The following JARID2 variants were observed in gnomAD, a reference collection of about 807,000 sequenced individuals.
JARID2 encodes the protein protein Jumonji.
In JARID2, 21 loss-of-function variants were observed where a neutral mutation model predicts 125.6. The observed-to-expected ratio is 0.17, with a 90% confidence interval of 0.12 to 0.24. The LOEUF (loss-of-function observed/expected upper bound fraction) is 0.24, where lower values mean the gene tolerates loss of function less well. Among genes scored for constraint, JARID2 ranks in the 10% least tolerant of loss-of-function variants. The pLI is 1.00. For missense variants in JARID2, 1,303 were observed against 1,639.6 expected (o/e 0.79, Z 3.55); for synonymous variants, 736 against 661.6 (o/e 1.11, Z -1.73).
In JARID2 at chr6:15,487,427, A is replaced by G; in HGVS notation, c.791A>G (p.Gln264Arg). The part of the protein sequence containing the change: ...SDHRADSRRE[Q>R]ASANHPAAAP... ...CACCGGGCTGACAGCCGCCGGGAGC[A>G]GGCTTCAGCTAACCACCCCGCAGCG... Residue 264 changes from glutamine to arginine, a missense_variant, in exon 6 of 18, where the codon CAG becomes CGG. Transcript: ENST00000341776. 6.2e-7 allele frequency: 1 copy of G among 1,614,248 alleles called. No individual in the cohort carries two copies. Among genetic ancestry groups the G allele is most frequent in the Non-Finnish European group, 8.5e-7 (1 of 1,180,042 alleles).
intron 1 of JARID2, among the ~76,000 whole-genome samples, chr6:15,319,377 A>G (rs1762278592): frequency 6.6e-6 from 1 of 152,134 alleles, no homozygotes; most frequent in African/African-American, 2.4e-5. Context: ...TCTGAGTGAC[A>G]TGGAATTTCT....
At chr6:15,285,199 C>T (rs535644849) in intron 1 of JARID2, among the ~76,000 whole-genome samples, 6 of 151,114 alleles carry the variant, frequency 4.0e-5, no homozygotes, top group Non-Finnish European at 7.4e-5. Context: ...CAACCTCCGC[C>T]TCTGGGGTTC....
At chr6:15,436,826 C>G (rs1157241161) in intron 3 of JARID2, among the ~76,000 whole-genome samples, 2 of 151,648 alleles carry the variant, frequency 1.3e-5, no homozygotes, top group East Asian at 3.9e-4. Flanking sequence ...TTTTTTTCCC[C>G]CATAATGTTT....
At chr6:15,348,151 G>T (rs1581440446) in intron 1 of JARID2, among the ~76,000 whole-genome samples, 1 of 151,754 alleles carries the variant, frequency 6.6e-6, no homozygotes, top group Non-Finnish European at 1.5e-5. Flanking sequence ...TAGTGCAGTG[G>T]TGTGATCTCG....
intron 3 of JARID2, among the ~76,000 whole-genome samples, chr6:15,424,311 A>G (rs1267555812): frequency 6.6e-6 from 1 of 151,916 alleles, no homozygotes; most frequent in Non-Finnish European, 1.5e-5. Context: ...GCTTATTTTG[A>G]TTTGGAATTG....
intron 2 of JARID2, among the ~76,000 whole-genome samples, chr6:15,389,372 TGG>T (rs1764915749): frequency 6.6e-6 from 1 of 152,156 alleles, no homozygotes; most frequent in South Asian, 2.1e-4. Flanking sequence ...TTGCCCAGGC[TGG>T]AACACTGTTA....
intron 3 of JARID2, among the ~76,000 whole-genome samples, chr6:15,448,864 G>T (rs373158943): frequency 1.2e-4 from 18 of 151,960 alleles, no homozygotes; most frequent in African/African-American, 4.4e-4. Flanking sequence ...AGAAACCTCT[G>T]CAGTTTGATG....
intron 3 of JARID2, among the ~76,000 whole-genome samples, chr6:15,440,243 T>A (rs1767389176): frequency 6.6e-6 from 1 of 152,244 alleles, no homozygotes; most frequent in South Asian, 2.1e-4. Context: ...TGCACATTCT[T>A]GACATCAGGT....
intron 1 of JARID2, among the ~76,000 whole-genome samples, chr6:15,371,621 C>G (rs1442752237): frequency 2.0e-5 from 3 of 152,152 alleles, no homozygotes; most frequent in Non-Finnish European, 2.9e-5. Flanking sequence ...TCATGCTTTT[C>G]ATGTGTTGTG....
chr6:15,425,592 A>G (rs1243704560), intron 3 of JARID2, among the ~76,000 whole-genome samples: 1 of 152,194 alleles, frequency 6.6e-6, no homozygotes, highest in African/African-American at 2.4e-5. Flanking sequence ...TTATAGAAGG[A>G]CAAGATAGGC....
intron 2 of JARID2, among the ~76,000 whole-genome samples, chr6:15,383,100 G>C (rs967452652): frequency 2.0e-5 from 3 of 152,098 alleles, no homozygotes; most frequent in African/African-American, 7.2e-5. Context: ...GCTTTTGCCA[G>C]TTTTTATAGG....
chr6:15,509,408 GCCT>G (rs776391709), intron 12 of JARID2: 1 of 969,764 alleles, frequency 1.0e-6, no homozygotes, highest in Non-Finnish European at 1.2e-6. Flanking sequence ...GTCGGCTGCA[GCCT>G]CCTCATTTTG....
chr6:15,496,965 G>A lies in JARID2; in HGVS notation c.1740G>A (p.Gln580=). 3 of 1,613,288 alleles carry A rather than the reference G, an allele frequency of 1.9e-6. No individual in the cohort carries two copies. The highest frequency in any genetic ancestry group is 2.5e-6 in the Non-Finnish European group (3 of 1,179,424). ...TCTACATCGAGTCGGTCCGCGCTCA[G>A]GTGGAGAAGTTCGGGATGTGCAGGG... The part of the protein sequence containing the change: ...PLIYIESVRA[Q]VEKFGMCRVI... Residue 580 remains glutamine (Q), a synonymous_variant, in exon 7 of 18, where the codon CAG becomes CAA. Coordinates refer to ENST00000341776, the MANE Select transcript of JARID2 (RefSeq NM_004973.4).
intron 3 of JARID2, among the ~76,000 whole-genome samples, chr6:15,433,921 G>GGT (rs146025914): frequency 0.092 from 12,119 of 131,072 alleles, 568 homozygotes; most frequent in East Asian, 0.15. Context: ...CACTCTCCAG[G>GGT]GTGTGTGTGT....
At position 15,334,298 on chromosome 6, in the gene JARID2, G is replaced by A. The variant is rs72834586; in HGVS notation, c.46-39819G>A. ...CCTTGTAATCACAGGGGTTCCTATG[G>A]AACAGTGGCTTATGTCACCAATAGG... On this transcript the variant is annotated intron_variant, in intron 1 of 17. Transcript: ENST00000341776. 8.9e-3 allele frequency among the ~76,000 whole-genome samples: 1,336 copies of A among 150,134 alleles called. 11 individuals are homozygous for A. The highest frequency in any genetic ancestry group is 0.021 in the Middle Eastern group (6 of 290).
chr6:15,421,108 C>T (rs981031718), intron 3 of JARID2, among the ~76,000 whole-genome samples: 2 of 152,064 alleles, frequency 1.3e-5, no homozygotes, highest in African/African-American at 4.8e-5. Context: ...GTTTCTCAAC[C>T]CCGGCTCTGC....
In JARID2 at chr6:15,497,052, G is replaced by A. The variant is rs371600545; in HGVS notation, c.1827G>A (p.Thr609=). Reference sequence around the variant, plus strand: ...TCAACGATGAGATGCGGTTTGTCACGCAGATTCAGCACATCCACAAGCTGG... The same window carrying A: ...TCAACGATGAGATGCGGTTTGTCACACAGATTCAGCACATCCACAAGCTGG... ...CKLNDEMRFV[T]QIQHIHKLGR... Residue 609 remains threonine, a synonymous_variant, in exon 7 of 18, where the codon ACG becomes ACA. Transcript: ENST00000341776. The A allele has an allele frequency of 9.9e-6, 16 of 1,609,956 alleles. No homozygotes were observed. The highest frequency in any genetic ancestry group is 3.4e-5 in the Admixed American group (2 of 59,682).
At chr6:15,510,658 C>A (rs1409506867) in intron 12 of JARID2, among the ~76,000 whole-genome samples, 1 of 152,204 alleles carries the variant, frequency 6.6e-6, no homozygotes, top group Admixed American at 6.5e-5. Flanking sequence ...AGGCTGGGTC[C>A]TAACACGTAA....
chr6:15,374,719 C>T (rs566213383), intron 2 of JARID2, among the ~76,000 whole-genome samples: 4 of 152,320 alleles, frequency 2.6e-5, no homozygotes, highest in African/African-American at 9.6e-5. Context: ...TTGCATACCT[C>T]TAGAAGTGTG....
Sources: gnomAD v4.1 joint callset for allele counts (sites outside exome capture counted in the v4.1 genomes callset) on GRCh38, gnomAD v4.1.1 for gene constraint, MANE v1.5 for transcripts, NCBI Gene and HGNC (gene_info 2026-07-23, HGNC 2026-07-21) for gene names.